MYO9A: variants seen among roughly 807,000 people sequenced by gnomAD.
The protein encoded by MYO9A is unconventional myosin-IXa.
Under a neutral mutation model 293.3 loss-of-function variants are expected in MYO9A, and 103 were observed. The observed-to-expected ratio is 0.35, with a 90% CI of 0.30 to 0.41. The LOEUF (loss-of-function observed/expected upper bound fraction) is 0.41, where lower values mean the gene tolerates loss of function less well. MYO9A is among the 10% of genes least tolerant of loss of function. The pLI is 1.00. For missense variants in MYO9A, 2,685 were observed against 3,033.0 expected, an observed-to-expected ratio of 0.89 and a Z score of 2.69; for synonymous variants, 1,001 against 1,035.7, an observed-to-expected ratio of 0.97 and a Z score of 0.64.
Position 71,899,783 on chromosome 15 carries a change from C to G in MYO9A, c.3374G>C (p.Arg1125Thr), listed in dbSNP as rs753445580. 6.2e-7 allele frequency: 1 copy of G among 1,614,178 alleles called. No homozygotes were observed. The highest frequency in any genetic ancestry group is 8.5e-7 in the Non-Finnish European group (1 of 1,180,038). The change falls in exon 24 of 42, where the codon AGA becomes ACA. Residue 1125 changes from arginine (R) to threonine (T), a missense_variant. Around this residue, in one of 10 missense-constraint regions of MYO9A, gnomAD observed 1,434 missense variants for 1,497.7 expected, o/e 0.96. Transcript: ENST00000356056. ...RHMAAICIQARWKAYRESKRY... is the reference protein window; with the variant it reads ...RHMAAICIQATWKAYRESKRY... ...TTTACTTTCCCTGTAGGCTTTCCAT[C>G]TTGCTTGTATGCAAATAGCAGCCAT...
intron 39 of MYO9A, among the ~76,000 whole-genome samples, chr15:71,832,445 A>C (rs1232386355): frequency 7.9e-5 from 12 of 152,192 alleles, no homozygotes; most frequent in Non-Finnish European, 5.9e-5. Flanking sequence ...CAAAAAAAAG[A>C]CTTAAAAGCG....
At chr15:71,924,709 T>A (rs1269039378) in intron 18 of MYO9A, among the ~76,000 whole-genome samples, 1 of 151,834 alleles carries the variant, frequency 6.6e-6, no homozygotes, top group Admixed American at 6.6e-5. Context: ...TCACCTGAGG[T>A]CAGGAATTCG....
At chr15:71,953,888 G>GT (rs1161912037) in intron 14 of MYO9A, among the ~76,000 whole-genome samples, 1 of 151,546 alleles carries the variant, frequency 6.6e-6, no homozygotes, top group Non-Finnish European at 1.5e-5. Flanking sequence ...GTTTTGTTTT[G>GT]TTTTGTTTTG....
chr15:71,943,931 T>C (rs1002471541), intron 15 of MYO9A, among the ~76,000 whole-genome samples: 24 of 152,282 alleles, frequency 1.6e-4, no homozygotes, highest in African/African-American at 5.3e-4. Flanking sequence ...CTTATCTTTA[T>C]AAAACTGACA....
At chr15:71,960,436 GCTCT>G (rs1399081824) in intron 13 of MYO9A, 1 of 231,256 alleles carries the variant, frequency 4.3e-6, no homozygotes. Context: ...ACAAGTAAAA[GCTCT>G]CTGAGGCTTC....
At chr15:72,115,477 A>G (rs745894782) in intron 1 of MYO9A, among the ~76,000 whole-genome samples, 12 of 152,230 alleles carry the variant, frequency 7.9e-5, no homozygotes, top group South Asian at 2.1e-4. Context: ...CCAGAAACCT[A>G]GATTTTATCC....
intron 14 of MYO9A, chr15:71,959,594 A>G: frequency 4.6e-6 from 1 of 217,458 alleles, no homozygotes; most frequent in Non-Finnish European, 9.2e-6. Flanking sequence ...TGCTTTATCT[A>G]TTTCTAAATT....
intron 40 of MYO9A, 115 bp from the exon 41 acceptor site, chr15:71,828,141 T>A (rs1475459600): frequency 1.7e-6 from 2 of 1,205,160 alleles, no homozygotes; most frequent in Non-Finnish European, 2.3e-6. Flanking sequence ...AGTCCATTTT[T>A]ACTGTCCCCA....
intron 1 of MYO9A, among the ~76,000 whole-genome samples, chr15:72,055,157 G>A (rs538185001): frequency 1.8e-4 from 28 of 152,284 alleles, no homozygotes; most frequent in African/African-American, 6.7e-4. Context: ...ACAGTGGTGC[G>A]TGCCCATAGT....
intron 1 of MYO9A, among the ~76,000 whole-genome samples, chr15:72,088,973 TA>T (rs1430229658): frequency 6.6e-6 from 1 of 152,202 alleles, no homozygotes; most frequent in African/African-American, 2.4e-5. Context: ...TTTTGCAGAA[TA>T]AAACATTCCA....
At chr15:71,992,453 CT>C (rs973794768) in intron 10 of MYO9A, among the ~76,000 whole-genome samples, 1 of 152,124 alleles carries the variant, frequency 6.6e-6, no homozygotes, top group African/African-American at 2.4e-5. Context: ...ATAGTAAGAT[CT>C]TTTTTAAAAG....
chr15:71,983,478 T>TTTTTTTTTTTTTTTTTG, intron 11 of MYO9A, among the ~76,000 whole-genome samples: 1 of 134,818 alleles, frequency 7.4e-6, no homozygotes. Context: ...TTCTTTTTTT[T>TTTTTTTTTTTTTTTTTG]TTTTTTTTTT....
chr15:72,094,800 C>T (rs1236735031), intron 1 of MYO9A, among the ~76,000 whole-genome samples: 1 of 91,996 alleles, frequency 1.1e-5, no homozygotes, highest in African/African-American at 2.6e-5. Context: ...CAGGTGTAAG[C>T]CGCCACACCT....
rs574522328 is a variant in MYO9A, at chr15:72,098,542, G to C, written c.-72+19138C>G. 5.6e-4 allele frequency among the ~76,000 whole-genome samples: 85 copies of C among 152,168 alleles called. No individual in the cohort carries two copies. The South Asian group carries it at 8.7e-3, about 16-fold the overall frequency. On this transcript the variant is annotated intron_variant, in intron 1 of 41. Coordinates refer to ENST00000356056, the MANE Select transcript of MYO9A (RefSeq NM_006901.4). ...CAAAACTACATTTCAAAACTTGTGA[G>C]ATGCAATTAAAGCAATACTTCATGG...
chr15:71,851,199 T>G, intron 37 of MYO9A, 54 bp downstream of exon 37: 1 of 1,369,532 alleles, frequency 7.3e-7, no homozygotes, highest in South Asian at 1.2e-5. Context: ...CTTATCTATT[T>G]AAAATAATCC....
intron 10 of MYO9A, among the ~76,000 whole-genome samples, chr15:71,992,479 A>G (rs920727875): frequency 2.0e-5 from 3 of 152,218 alleles, no homozygotes; most frequent in African/African-American, 7.2e-5. Flanking sequence ...TACTAAGAGT[A>G]TTTTGTTTAA....
At chr15:72,056,693 A>G (rs2078728563) in intron 1 of MYO9A, among the ~76,000 whole-genome samples, 1 of 152,198 alleles carries the variant, frequency 6.6e-6, no homozygotes, top group African/African-American at 2.4e-5. Context: ...GAACTTACTC[A>G]GCTGGGCGCA....
chr15:72,016,584 CAGGG>C (rs2077346133), intron 6 of MYO9A, among the ~76,000 whole-genome samples: 1 of 152,138 alleles, frequency 6.6e-6, no homozygotes, highest in African/African-American at 2.4e-5. Context: ...TAATAACTCA[CAGGG>C]AAACAAAGTT....
chr15:71,930,066 G>A (rs916908104), intron 18 of MYO9A, among the ~76,000 whole-genome samples: 2 of 152,012 alleles, frequency 1.3e-5, no homozygotes, highest in African/African-American at 4.8e-5. Flanking sequence ...TCTGGTCCTG[G>A]GCTAATCTTT....
Sources: gnomAD v4.1 joint callset for allele counts (sites outside exome capture counted in the v4.1 genomes callset) on GRCh38, gnomAD v4.1.1 for gene constraint, gnomAD v4.1.1 regional missense constraint, MANE v1.5 for transcripts, NCBI Gene and HGNC (gene_info 2026-07-23, HGNC 2026-07-21) for gene names.